Variants in ARID5B observed in about 807,000 individuals in gnomAD.
ARID5B encodes AT-rich interactive domain-containing protein 5B.
A neutral mutation model predicts 97.2 loss-of-function variants in ARID5B; 13 were observed. The ratio of observed to expected loss-of-function variants is 0.13; its 90% CI spans 0.09 to 0.21. The LOEUF (loss-of-function observed/expected upper bound fraction) is 0.21. Among genes scored for constraint, ARID5B ranks in the 10% least tolerant of loss-of-function variants. The pLI is 1.00. For synonymous variants in ARID5B, 556 were observed against 570.3 expected, an observed-to-expected ratio of 0.97 and a Z score of 0.36; for missense variants, 1,210 against 1,465.3, an observed-to-expected ratio of 0.83 and a Z score of 2.84.
At chr10:62,046,308 A>C (rs899740985) in intron 4 of ARID5B, among the ~76,000 whole-genome samples, 3 of 152,150 alleles carry the variant, frequency 2.0e-5, no homozygotes, top group Admixed American at 2.0e-4. Context: ...CCTTTGTTTT[A>C]TTATTATTAT....
At chr10:62,019,862 G>A (rs891327432) in intron 4 of ARID5B, among the ~76,000 whole-genome samples, 1 of 152,146 alleles carries the variant, frequency 6.6e-6, no homozygotes, top group Non-Finnish European at 1.5e-5. Flanking sequence ...TGCTCCTAGG[G>A]AGCCACAGAA....
chr10:61,902,522 G>T (rs1843633904), intron 2 of ARID5B, 109 bp downstream of exon 2: 1 of 1,437,684 alleles, frequency 7.0e-7, no homozygotes, highest in Non-Finnish European at 9.4e-7. Context: ...AGGCAAGCAG[G>T]ATCGACTCCT....
intron 2 of ARID5B, among the ~76,000 whole-genome samples, chr10:61,939,764 TA>T (rs1029589642): frequency 6.6e-6 from 1 of 152,228 alleles, no homozygotes; most frequent in Non-Finnish European, 1.5e-5. Context: ...CCAAGAATCC[TA>T]GATTTACTTA....
intron 4 of ARID5B, among the ~76,000 whole-genome samples, chr10:62,014,954 A>C (rs1839264510): frequency 6.6e-6 from 1 of 152,216 alleles, no homozygotes; most frequent in African/African-American, 2.4e-5. Flanking sequence ...CTGTTCTCAC[A>C]TACTTGCATT....
At chr10:61,973,999 C>T (rs1463837546) in intron 3 of ARID5B, among the ~76,000 whole-genome samples, 1 of 152,120 alleles carries the variant, frequency 6.6e-6, no homozygotes, top group Non-Finnish European at 1.5e-5. Context: ...TACTGTGAGG[C>T]TATTTTGAGC....
chr10:61,980,108 G>GA (rs1838757220), intron 3 of ARID5B, among the ~76,000 whole-genome samples: 1 of 151,532 alleles, frequency 6.6e-6, no homozygotes, highest in Admixed American at 6.6e-5. Context: ...AAATAAAACA[G>GA]AAAAATATGT....
In ARID5B at chr10:62,092,161, C is replaced by T; in HGVS notation, c.2698C>T (p.Pro900Ser). Residue 900 changes from proline to serine, a missense_variant, in exon 10 of 10, where the codon CCT (proline) becomes TCT (serine). Around this residue, in one of 8 missense-constraint regions of ARID5B, gnomAD observed 800 missense variants for 839.1 expected, o/e 0.95. Coordinates refer to ENST00000279873, the MANE Select transcript of ARID5B (RefSeq NM_032199.3). ...QDKKSAAAEA[P>S]TDDQPTDLSL... Reference sequence around the variant, plus strand: ...CAAAAAGTCGGCGGCAGCAGAAGCCCCTACGGATGATCAGCCTACAGATCT... The same window carrying T: ...CAAAAAGTCGGCGGCAGCAGAAGCCTCTACGGATGATCAGCCTACAGATCT... 1 of 1,609,090 alleles carries T rather than the reference C, an allele frequency of 6.2e-7. No homozygotes were observed. Among genetic ancestry groups the T allele is most frequent in the Non-Finnish European group, 8.5e-7 (1 of 1,178,004 alleles).
At chr10:62,077,510 GTTCT>G (rs1840153579) in intron 8 of ARID5B, among the ~76,000 whole-genome samples, 1 of 144,358 alleles carries the variant, frequency 6.9e-6, no homozygotes, top group Non-Finnish European at 1.6e-5. Flanking sequence ...ACTACAGCGA[GTTCT>G]TTGTTTGACC....
At chr10:62,010,967 G>A (rs181145686) in intron 4 of ARID5B, among the ~76,000 whole-genome samples, 2 of 152,282 alleles carry the variant, frequency 1.3e-5, no homozygotes, top group African/African-American at 4.8e-5. Flanking sequence ...AGTTTGGGCT[G>A]GAATCATATC....
chr10:61,992,590 T>G (rs1838941205), intron 3 of ARID5B, among the ~76,000 whole-genome samples: 1 of 152,196 alleles, frequency 6.6e-6, no homozygotes, highest in Non-Finnish European at 1.5e-5. Context: ...TACTGATATA[T>G]TTTTCCCACA....
chr10:61,925,324 T>C (rs1350027237), intron 2 of ARID5B, among the ~76,000 whole-genome samples: 2 of 152,192 alleles, frequency 1.3e-5, no homozygotes, highest in African/African-American at 2.4e-5. Flanking sequence ...TTGGGTGTTC[T>C]TACATATGGC....
chr10:62,053,292 T>C (rs1247966202), intron 5 of ARID5B, among the ~76,000 whole-genome samples: 1 of 152,202 alleles, frequency 6.6e-6, no homozygotes. Flanking sequence ...ACCAACTTCA[T>C]GCAGCTCCAC....
At chr10:61,903,521 G>A (rs1348232274) in intron 2 of ARID5B, among the ~76,000 whole-genome samples, 1 of 152,260 alleles carries the variant, frequency 6.6e-6, no homozygotes, top group African/African-American at 2.4e-5. Context: ...CGGGGAGGGA[G>A]GGCGCACTGC....
chr10:62,007,867 G>T (rs1473098160), intron 4 of ARID5B, among the ~76,000 whole-genome samples: 1 of 151,846 alleles, frequency 6.6e-6, no homozygotes, highest in Non-Finnish European at 1.5e-5. Context: ...AGATCATTTG[G>T]GCCTTGGCTC....
intron 4 of ARID5B, among the ~76,000 whole-genome samples, chr10:62,035,724 C>G (rs181944065): frequency 2.2e-4 from 33 of 151,068 alleles, no homozygotes; most frequent in Admixed American, 2.1e-3. Context: ...TGTGAGCCAC[C>G]ACGACCAACC....
chr10:62,003,264 G>A (rs1319957267), intron 4 of ARID5B, among the ~76,000 whole-genome samples: 1 of 152,118 alleles, frequency 6.6e-6, no homozygotes, highest in African/African-American at 2.4e-5. Flanking sequence ...GTTAACTAAT[G>A]TTACAAGAAA....
At chr10:61,981,138 A>C (rs1408513449) in intron 3 of ARID5B, among the ~76,000 whole-genome samples, 1 of 152,228 alleles carries the variant, frequency 6.6e-6, no homozygotes, top group African/African-American at 2.4e-5. Flanking sequence ...CAGTAAACTT[A>C]TCCCTCATAG....
At chr10:62,059,345 C>A in intron 7 of ARID5B, 50 bp downstream of exon 7, 1 of 1,543,534 alleles carries the variant, frequency 6.5e-7, no homozygotes, top group East Asian at 2.3e-5. Context: ...CTAACTTTTC[C>A]CCTCTCTTTG....
chr10:62,033,831 G>A (rs763478509), intron 4 of ARID5B, among the ~76,000 whole-genome samples: 3 of 152,208 alleles, frequency 2.0e-5, no homozygotes, highest in East Asian at 1.9e-4. Flanking sequence ...TTCTCTTGAC[G>A]AACGGTTAAA....
Sources: gnomAD v4.1 joint callset for allele counts (sites outside exome capture counted in the v4.1 genomes callset) on GRCh38, gnomAD v4.1.1 for gene constraint, gnomAD v4.1.1 regional missense constraint, MANE v1.5 for transcripts, NCBI Gene and HGNC (gene_info 2026-07-23, HGNC 2026-07-21) for gene names.